TPTE: variants seen among roughly 807,000 people sequenced by gnomAD.
TPTE encodes putative tyrosine-protein phosphatase TPTE.
In TPTE, 59 loss-of-function variants were observed where a neutral mutation model predicts 84.1. The ratio of observed to expected loss-of-function variants is 0.70; its 90% confidence interval spans 0.57 to 0.87. TPTE has a LOEUF of 0.87. Among genes scored for constraint, TPTE ranks in the 40% least tolerant of loss-of-function variants. The probability of loss-of-function intolerance (pLI) is 0.00; values close to 1 mark genes in which losing one functional copy is unlikely to be tolerated. For synonymous variants in TPTE, 130 were observed against 223.5 expected (o/e 0.58, Z 3.73); for missense variants, 382 against 659.6 (o/e 0.58, Z 4.61).
At chr21:10,563,784 C>T (rs557379120) in intron 10 of TPTE, among the ~76,000 whole-genome samples, 154 of 152,364 alleles carry the variant, frequency 1.0e-3, no homozygotes, top group South Asian at 4.6e-3. Context: ...AGGAGTAAGT[C>T]CTTACTTATC....
At chr21:10,572,797 A>C (rs1214028452) in intron 14 of TPTE, among the ~76,000 whole-genome samples, 5 of 152,310 alleles carry the variant, frequency 3.3e-5, no homozygotes, top group Non-Finnish European at 7.3e-5. Flanking sequence ...ACCATTGTCA[A>C]AAACACAAAC....
intron 18 of TPTE, among the ~76,000 whole-genome samples, chr21:10,590,766 G>A (rs566700756): frequency 2.0e-5 from 3 of 152,430 alleles, no homozygotes; most frequent in East Asian, 1.9e-4. Flanking sequence ...CAAAATTTAA[G>A]GGAATGCTAA....
chr21:10,582,732 GT>G (rs1323764267), intron 17 of TPTE, among the ~76,000 whole-genome samples: 1 of 152,208 alleles, frequency 6.6e-6, no homozygotes, highest in Non-Finnish European at 1.5e-5. Flanking sequence ...GATGAATTAT[GT>G]TTTTTGTTTT....
intron 10 of TPTE, among the ~76,000 whole-genome samples, chr21:10,566,227 G>A (rs539511548): frequency 3.9e-5 from 6 of 152,420 alleles, no homozygotes; most frequent in Admixed American, 6.5e-5. Flanking sequence ...AAAATATACA[G>A]ATGGTAAACA....
chr21:10,522,047 A>G (rs2073987879), intron 1 of TPTE, among the ~76,000 whole-genome samples: 1 of 152,092 alleles, frequency 6.6e-6, no homozygotes. Flanking sequence ...AGCCGCAGGT[A>G]AAGGGGGCGC....
chr21:10,557,163 T>A (rs556898080), intron 8 of TPTE, among the ~76,000 whole-genome samples: 1 of 152,424 alleles, frequency 6.6e-6, no homozygotes, highest in African/African-American at 2.4e-5. Context: ...GAGTAATTGT[T>A]TTTAGGAAAG....
At chr21:10,594,421 C>T (rs2075541979) in intron 19 of TPTE, among the ~76,000 whole-genome samples, 1 of 152,312 alleles carries the variant, frequency 6.6e-6, no homozygotes, top group Non-Finnish European at 1.5e-5. Context: ...GTGGCTTACC[C>T]ATCTTTCCAC....
intron 1 of TPTE, among the ~76,000 whole-genome samples, chr21:10,523,436 G>T (rs1260163959): frequency 6.6e-6 from 1 of 152,138 alleles, no homozygotes; most frequent in Non-Finnish European, 1.5e-5. Flanking sequence ...ATCTCCCAAT[G>T]CTATCCCTCC....
chr21:10,559,390 A>G (rs1187123365), intron 8 of TPTE, 104 bp from the exon 9 acceptor site: 1 of 1,520,220 alleles, frequency 6.6e-7, no homozygotes, highest in African/African-American at 1.4e-5. Context: ...CTTCTGAATA[A>G]TTTTCTTTTG....
chr21:10,585,048 A>G (rs1311148257), intron 17 of TPTE, among the ~76,000 whole-genome samples: 2 of 152,420 alleles, frequency 1.3e-5, no homozygotes, highest in African/African-American at 2.4e-5. Flanking sequence ...CCTAGGCAAC[A>G]TGGTGAAACC....
chr21:10,548,537 C>T (rs2145637855), intron 7 of TPTE, among the ~76,000 whole-genome samples: 1 of 152,428 alleles, frequency 6.6e-6, no homozygotes, highest in South Asian at 2.1e-4. Flanking sequence ...GCCAGCTGAG[C>T]AGCAGTGTGC....
intron 1 of TPTE, among the ~76,000 whole-genome samples, chr21:10,522,866 G>A (rs2074008317): frequency 1.3e-5 from 2 of 152,306 alleles, no homozygotes; most frequent in Non-Finnish European, 2.9e-5. Flanking sequence ...CCATGTCTTT[G>A]ATGTAAGAAT....
intron 7 of TPTE, among the ~76,000 whole-genome samples, chr21:10,546,769 G>C (rs1284496022): frequency 6.6e-6 from 1 of 152,312 alleles, no homozygotes. Context: ...CTTTGATTCA[G>C]TGAAGCCTGG....
intron 13 of TPTE, among the ~76,000 whole-genome samples, chr21:10,570,059 T>C (rs2075011152): frequency 6.6e-6 from 1 of 152,312 alleles, no homozygotes; most frequent in Non-Finnish European, 1.5e-5. Flanking sequence ...CCTCTTCTTA[T>C]CCTAGAATCC....
At chr21:10,562,275 C>T (rs1386369278) in intron 10 of TPTE, among the ~76,000 whole-genome samples, 1 of 152,312 alleles carries the variant, frequency 6.6e-6, no homozygotes, top group Non-Finnish European at 1.5e-5. Flanking sequence ...TGGGTACAAA[C>T]AAGCCCTGAC....
chr21:10,586,857 G>T (rs1404266283), intron 17 of TPTE, among the ~76,000 whole-genome samples: 1 of 152,312 alleles, frequency 6.6e-6, no homozygotes, highest in Non-Finnish European at 1.5e-5. Flanking sequence ...GTTAGGCTCT[G>T]TAGTATACTG....
At chr21:10,553,295 A>G (rs1289200489) in intron 8 of TPTE, among the ~76,000 whole-genome samples, 2 of 152,298 alleles carry the variant, frequency 1.3e-5, no homozygotes, top group Non-Finnish European at 2.9e-5. Context: ...AGACATATTC[A>G]GGAGATTTTT....
intron 3 of TPTE, among the ~76,000 whole-genome samples, chr21:10,537,750 A>G (rs1417672534): frequency 6.6e-6 from 1 of 152,308 alleles, no homozygotes; most frequent in Non-Finnish European, 1.5e-5. Flanking sequence ...CAAGGGAGGA[A>G]ACGATTATAT....
rs1600914335 is a variant in TPTE, at chr21:10,566,889, A to ACCTTGGAGGTTC, written c.447-781_447-780insCCTTGGAGGTTC. 4.6e-5 allele frequency among the ~76,000 whole-genome samples: 7 copies of ACCTTGGAGGTTC among 152,374 alleles called. No individual in the cohort carries two copies. In the East Asian group the frequency reaches 1.3e-3, roughly 29 times the overall value. On this transcript the variant is annotated intron_variant, in intron 10 of 23. Transcript: ENST00000618007. ...CTACTCGTGAGGCTGAGGCAGGAGAATCGCTTGAACCCAGGAGGTGGAGGT... is the reference window on the plus strand; with the variant it reads ...CTACTCGTGAGGCTGAGGCAGGAGAACCTTGGAGGTTCTCGCTTGAACCCAGGAGGTGGAGGT...
Sources: gnomAD v4.1 joint callset for allele counts (sites outside exome capture counted in the v4.1 genomes callset) on GRCh38, gnomAD v4.1.1 for gene constraint, MANE v1.5 for transcripts, NCBI Gene and HGNC (gene_info 2026-07-23, HGNC 2026-07-21) for gene names.